Variants in MAGEA4 observed in about 807,000 individuals in gnomAD.
MAGEA4 encodes the protein melanoma-associated antigen 4.
A neutral mutation model predicts 13.7 loss-of-function variants in MAGEA4; 1 was observed. The observed-to-expected ratio is 0.07, with a 90% confidence interval of 0.03 to 0.35. The LOEUF (loss-of-function observed/expected upper bound fraction) is 0.35, where lower values mean the gene tolerates loss of function less well. Among genes scored for constraint, MAGEA4 ranks in the 10% least tolerant of loss-of-function variants. The pLI is 0.99. For missense variants in MAGEA4, 312 were observed against 245.1 expected (o/e 1.27, Z -1.82); for synonymous variants, 132 against 101.1 (o/e 1.31, Z -1.83).
chrX:151,923,330 C>T, intron 1 of MAGEA4, 123 bp from the exon 2 acceptor site: 1 of 413,408 alleles, frequency 2.4e-6, no homozygotes, highest in Non-Finnish European at 4.0e-6. Context: ...ACCAAGGGCC[C>T]CACCTGCCAC....
chrX:151,923,009 G>A (rs1933518993), intron 1 of MAGEA4, among the ~76,000 whole-genome samples: 1 of 112,563 alleles, frequency 8.9e-6, no homozygotes, highest in African/African-American at 3.2e-5. Flanking sequence ...GTGAGCTCTT[G>A]ATCTGAGTTT....
At position 151,918,978 on chromosome X, in the gene MAGEA4, C is replaced by T. The variant is rs967948112; in HGVS notation, c.-137-4475C>T. On this transcript the variant is annotated intron_variant, in intron 1 of 2. Transcript: ENST00000276344. The stretch of plus-strand genomic sequence containing the variant: ...CGGGGTTAGAGAGAAGCGAGCTGCT[C>T]TGTGACCAGCCGCTTGGGATTGGTG... The T allele has an allele frequency of 6.7e-6, 5 of 749,698 alleles. No individual in the cohort carries two copies. The African/African-American group carries it at 9.5e-5, about 14-fold the overall frequency. 61.8% of individuals were successfully genotyped at this position (749,698 alleles called of 1,213,427 possible).
rs778217233 is a variant in MAGEA4, at chrX:151,923,979, G to C, written c.315G>C (p.Leu105Phe). The stretch of plus-strand genomic sequence containing the variant: ...GCACCTCGCCTGACGCAGAGTCCTT[G>C]TTCCGAGAAGCACTCAGTAACAAGG... The part of the protein sequence containing the change: ...GPSTSPDAES[L>F]FREALSNKVD... The change falls in exon 3 of 3, where the codon TTG becomes TTC. Residue 105 changes from leucine (L) to phenylalanine (F), a missense_variant. Coordinates refer to ENST00000276344, the MANE Select transcript of MAGEA4 (RefSeq NM_001011548.1). The C allele has an allele frequency of 8.3e-7, 1 of 1,211,865 alleles. No homozygotes were observed. Among genetic ancestry groups the C allele is most frequent in the Non-Finnish European group, 1.1e-6 (1 of 895,509 alleles).
intron 1 of MAGEA4, among the ~76,000 whole-genome samples, chrX:151,921,458 G>A (rs184956812): frequency 8.9e-6 from 1 of 112,157 alleles, no homozygotes; most frequent in East Asian, 2.9e-4. Flanking sequence ...GACTTCTCAG[G>A]CTAGGCCATC....
At chrX:151,919,960 G>A (rs1299511946) in intron 1 of MAGEA4, among the ~76,000 whole-genome samples, 1 of 106,218 alleles carries the variant, frequency 9.4e-6, no homozygotes, top group Non-Finnish European at 1.9e-5. Context: ...CTGTAAGAGA[G>A]GGCCGAGGGT....
At position 151,923,120 on chromosome X, in the gene MAGEA4, TCA is replaced by T. The variant is rs748187954; in HGVS notation, c.-137-330_-137-329del. Among the ~76,000 whole-genome samples the T allele has an allele frequency of 1.9e-3, 209 of 111,883 alleles. 1 individual carries two copies. The highest frequency in any genetic ancestry group is 6.2e-3 in the African/African-American group (192 of 30,805). On this transcript the variant is annotated intron_variant, in intron 1 of 2. Transcript: ENST00000276344. ...CATCCACTCCATGAGAGTGGGGACC[TCA>T]CAGAGTCCAGCCTACCCTCTTGATG...
intron 1 of MAGEA4, among the ~76,000 whole-genome samples, chrX:151,923,104 C>T (rs1933523000): frequency 8.9e-6 from 1 of 111,828 alleles, no homozygotes. Flanking sequence ...TCATCCACTC[C>T]ATGAGAGTGG....
rs767279676 is a variant in MAGEA4, at chrX:151,924,543, G to T, written c.879G>T (p.Arg293Ser). 9 of 1,209,403 alleles carry T rather than the reference G, an allele frequency of 7.4e-6. No individual in the cohort carries two copies. The South Asian group carries it at 1.6e-4, about 21-fold the overall frequency. Residue 293 changes from arginine to serine, a missense_variant, in exon 3 of 3, where the codon AGG (arginine) becomes AGT (serine). Transcript: ENST00000276344. ...TGAAAGTCCTGGAGCATGTGGTCAG[G>T]GTCAATGCAAGAGTTCGCATTGCCT... is the stretch of plus-strand genomic sequence containing the variant. ...SYVKVLEHVVRVNARVRIAYP... is the reference protein window; with the variant it reads ...SYVKVLEHVVSVNARVRIAYP...
At position 151,913,148 on chromosome X, in the gene MAGEA4, G is replaced by A. The variant is rs763697351; in HGVS notation, c.-138+179G>A. Among the ~76,000 whole-genome samples the A allele has an allele frequency of 6.4e-5, 7 of 109,765 alleles. No homozygotes were observed. In the South Asian group the frequency reaches 2.0e-3, roughly 32 times the overall value. ...GGGGATTCTGAAGTCAGAGCTTGGG[G>A]TGATCAGTGCAAGACTGGTGGGGGC... On this transcript the variant is annotated intron_variant, in intron 1 of 2. Coordinates refer to ENST00000276344, the MANE Select transcript of MAGEA4 (RefSeq NM_001011548.1).
At position 151,923,882 on chromosome X, in the gene MAGEA4, C is replaced by G. The variant is rs763607469; in HGVS notation, c.218C>G (p.Pro73Arg). Reference sequence around the variant, plus strand: ...AGTCCTCAGGGAGCCTCTGCCTTACCCACTACCATCAGCTTCACTTGCTGG... The same window carrying G: ...AGTCCTCAGGGAGCCTCTGCCTTACGCACTACCATCAGCTTCACTTGCTGG... The part of the protein sequence containing the change: ...PQSPQGASAL[P>R]TTISFTCWRQ... Residue 73 changes from proline (P) to arginine (R), a missense_variant, in exon 3 of 3, where the codon CCC (proline) becomes CGC (arginine). Physicochemically the swap from Pro to Arg is moderately radical, Grantham distance 103 (BLOSUM62 -2). Transcript: ENST00000276344. 3.3e-6 allele frequency: 4 copies of G among 1,209,807 alleles called. No homozygotes were observed. The highest frequency in any genetic ancestry group is 3.5e-5 in the African/African-American group (2 of 57,206).
At chrX:151,918,842 C>T (rs1407953241) in intron 1 of MAGEA4, 26 of 255,427 alleles carry the variant, frequency 1.0e-4, no homozygotes, top group African/African-American at 8.9e-4. Flanking sequence ...CCCGCCCCCT[C>T]CACCGACCTC....
At chrX:151,918,729 A>C (rs1603069084) in intron 1 of MAGEA4, among the ~76,000 whole-genome samples, 1 of 21,368 alleles carries the variant, frequency 4.7e-5, no homozygotes, top group Non-Finnish European at 8.6e-5. Flanking sequence ...TCATACCGCC[A>C]TCTCCCACCC....
chrX:151,923,962 C>T lies in MAGEA4; in HGVS notation c.298C>T (p.Pro100Ser). 1.7e-6 allele frequency: 2 copies of T among 1,211,452 alleles called. No homozygotes were observed. Among genetic ancestry groups the T allele is most frequent in the Non-Finnish European group, 2.2e-6 (2 of 895,368 alleles). The change falls in exon 3 of 3, where the codon CCT (proline) becomes TCT (serine). Residue 100 changes from proline to serine, a missense_variant. By Grantham distance (74) the Pro-to-Ser change is moderately conservative. Transcript: ENST00000276344. ...AGAAGAGGAGGGGCCAAGCACCTCGCCTGACGCAGAGTCCTTGTTCCGAGA... is the reference window on the plus strand; with the variant it reads ...AGAAGAGGAGGGGCCAAGCACCTCGTCTGACGCAGAGTCCTTGTTCCGAGA... ...SQEEEGPSTS[P>S]DAESLFREAL... is the part of the protein sequence containing the mutation.
upstream of MAGEA4, chrX:151,912,779 C>T (rs1410442624): frequency 2.1e-5 from 3 of 141,552 alleles, no homozygotes; most frequent in Non-Finnish European, 3.8e-5. Flanking sequence ...CCCCCACCCC[C>T]CAACACCCAT....
intron 1 of MAGEA4, chrX:151,919,012 C>T (rs1933249154): frequency 3.1e-5 from 23 of 749,077 alleles, no homozygotes; most frequent in South Asian, 2.1e-4. Flanking sequence ...TGGAGGGAAG[C>T]GGGCCAGGCC....
In MAGEA4 at chrX:151,919,002, T is replaced by C. The variant is rs2856381; in HGVS notation, c.-137-4451T>C. ...TCTGTGACCAGCCGCTTGGGATTGG[T>C]GGAGGGAAGCGGGCCAGGCCCTGTG... On this transcript the variant is annotated intron_variant, in intron 1 of 2. Coordinates refer to ENST00000276344, the MANE Select transcript of MAGEA4 (RefSeq NM_001011548.1). 23 of 748,775 alleles carry C rather than the reference T, an allele frequency of 3.1e-5. No homozygotes were observed. The Middle Eastern group carries it at 2.2e-3, about 73-fold the overall frequency. The allele number at this position is 748,775 out of a possible 1,213,427, so 61.7% of individuals were successfully genotyped here.
At chrX:151,913,043 T>C in intron 1 of MAGEA4, 74 bp downstream of exon 1, 1 of 118,391 alleles carries the variant, frequency 8.4e-6, no homozygotes, top group South Asian at 3.0e-4. Flanking sequence ...ACACCACCCC[T>C]GCTGCCAGCC....
At chrX:151,919,512 A>C (rs5925074) in intron 1 of MAGEA4, among the ~76,000 whole-genome samples, 14 of 51,247 alleles carry the variant, frequency 2.7e-4, no homozygotes, top group South Asian at 1.4e-3. Context: ...ACCCACCCCC[A>C]AAACGCGCCC....
Position 151,923,629 on chromosome X carries a change from C to A in MAGEA4, c.-36C>A. The A allele has an allele frequency of 8.3e-7, 1 of 1,211,194 alleles. No homozygotes were observed. ...GTGGGTCCCCATTGCCCAGCTTTTG[C>A]CTGCACTCTTGCCTGCTGCCCTGAC... On this transcript the variant is annotated 5_prime_UTR_variant, in exon 3 of 3. Transcript: ENST00000276344.
Sources: gnomAD v4.1 joint callset for allele counts (sites outside exome capture counted in the v4.1 genomes callset) on GRCh38, gnomAD v4.1.1 for gene constraint, MANE v1.5 for transcripts, NCBI Gene and HGNC (gene_info 2026-07-23, HGNC 2026-07-21) for gene names.